The following CACNB2 variants were observed in gnomAD, a reference collection of about 807,000 sequenced individuals.
CACNB2 encodes the protein voltage-dependent L-type calcium channel subunit beta-2.
In CACNB2, 42 loss-of-function variants were observed where a neutral mutation model predicts 73.3. The observed-to-expected ratio is 0.57, with a 90% CI of 0.45 to 0.74. The LOEUF (loss-of-function observed/expected upper bound fraction) is 0.74, where lower values mean the gene tolerates loss of function less well. Among genes scored for constraint, CACNB2 ranks in the 30% least tolerant of loss-of-function variants. CACNB2 has a pLI of 0.00. For missense variants in CACNB2, 940 were observed against 853.0 expected, an observed-to-expected ratio of 1.10 and a Z score of -1.27; for synonymous variants, 348 against 310.3, an observed-to-expected ratio of 1.12 and a Z score of -1.28.
chr10:18,228,542 G>A (rs1461397232), intron 2 of CACNB2, among the ~76,000 whole-genome samples: 1 of 151,580 alleles, frequency 6.6e-6, no homozygotes, highest in East Asian at 1.9e-4. Flanking sequence ...AAAGAATAGT[G>A]AAGGATGTAT....
rs2031492352 is a variant in CACNB2, at chr10:18,150,880, T to TTTTTTTTTTTTTTTG, written c.121-3_121-2insTTTTTTTTTTTTTTG. ...CTTTTTTTTTTTTTTTTTTTTTTTT[T>TTTTTTTTTTTTTTTG]AGTCATATGGAAAAGGAGCCAGAAG... On this transcript the variant is annotated splice_polypyrimidine_tract_variant and splice_region_variant and intron_variant, in intron 1 of 13. Coordinates refer to ENST00000324631, the MANE Select transcript of CACNB2 (RefSeq NM_201596.3). The TTTTTTTTTTTTTTTG allele has an allele frequency of 3.8e-6, 5 of 1,300,416 alleles. No individual in the cohort carries two copies. Among genetic ancestry groups the TTTTTTTTTTTTTTTG allele is most frequent in the Non-Finnish European group, 5.3e-6 (5 of 943,370 alleles). 80.6% of individuals were successfully genotyped at this position (1,300,416 alleles called of 1,614,324 possible). A position where few individuals can be genotyped will look rare whatever the true frequency, so the allele number is the denominator to read the frequency against.
At chr10:18,164,870 C>A (rs75184175) in intron 2 of CACNB2, among the ~76,000 whole-genome samples, 1,771 of 152,244 alleles carry the variant, frequency 0.012, 43 homozygotes, top group African/African-American at 0.041. Flanking sequence ...CACGGACTTC[C>A]TGACTCTGCT....
intron 2 of CACNB2, among the ~76,000 whole-genome samples, chr10:18,230,097 C>T (rs965371400): frequency 6.6e-5 from 10 of 152,152 alleles, no homozygotes; most frequent in Non-Finnish European, 1.3e-4. Context: ...ATCATCTGTA[C>T]CTAACATAGG....
chr10:18,178,581 T>C (rs1472737040), intron 2 of CACNB2, among the ~76,000 whole-genome samples: 1 of 152,142 alleles, frequency 6.6e-6, no homozygotes, highest in Non-Finnish European at 1.5e-5. Context: ...ACAAAGATAG[T>C]GATTTGGGAG....
At chr10:18,302,767 T>C (rs1355563064) in intron 2 of CACNB2, among the ~76,000 whole-genome samples, 1 of 152,114 alleles carries the variant, frequency 6.6e-6, no homozygotes, top group Non-Finnish European at 1.5e-5. Context: ...ACTGCTCAGG[T>C]GATGCGTGCA....
chr10:18,434,859 TGTAA>T (rs1382022443), intron 3 of CACNB2, among the ~76,000 whole-genome samples: 1 of 152,208 alleles, frequency 6.6e-6, no homozygotes, highest in Admixed American at 6.5e-5. Context: ...TCACAGGTCG[TGTAA>T]GTATTTGAAA....
chr10:18,438,795 A>G (rs1208412633), intron 3 of CACNB2, among the ~76,000 whole-genome samples: 1 of 152,214 alleles, frequency 6.6e-6, no homozygotes, highest in East Asian at 1.9e-4. Flanking sequence ...CTTCCTCTTT[A>G]GATTTTTTCT....
chr10:18,399,257 G>A (rs546733448), intron 2 of CACNB2, among the ~76,000 whole-genome samples: 1 of 152,250 alleles, frequency 6.6e-6, no homozygotes, highest in African/African-American at 2.4e-5. Flanking sequence ...AGCCCTCTAG[G>A]AAGATCAGGA....
At chr10:18,149,555 C>T (rs1371372837) in intron 1 of CACNB2, among the ~76,000 whole-genome samples, 1 of 152,154 alleles carries the variant, frequency 6.6e-6, no homozygotes, top group Non-Finnish European at 1.5e-5. Context: ...ATAGCAAATT[C>T]GTCTAAATTA....
rs1297756113 is a variant in CACNB2 at position 18,543,302 on chromosome 10, A to C, written c.*3578A>C. 2.0e-5 allele frequency: 3 copies of C among 152,188 alleles called. No homozygotes were observed. The highest frequency in any genetic ancestry group is 4.4e-5 in the Non-Finnish European group (3 of 68,010). 9.4% of individuals were successfully genotyped at this position (152,188 alleles called of 1,614,324 possible). ...TCTTCCTATTATGTCTGATTAAAAA[A>C]AAAGATACCTCCACGTAGATAAAAT... On this transcript the variant is annotated 3_prime_UTR_variant, in exon 14 of 14. Coordinates refer to ENST00000324631, the MANE Select transcript of CACNB2 (RefSeq NM_201596.3).
chr10:18,202,239 T>A (rs2131315215), intron 2 of CACNB2, among the ~76,000 whole-genome samples: 1 of 152,340 alleles, frequency 6.6e-6, no homozygotes, highest in Middle Eastern at 3.4e-3. Flanking sequence ...TTGCTGGAGA[T>A]AACCCTATTG....
chr10:18,420,473 C>T (rs1340965149), intron 3 of CACNB2, among the ~76,000 whole-genome samples: 2 of 152,060 alleles, frequency 1.3e-5, no homozygotes, highest in Non-Finnish European at 2.9e-5. Flanking sequence ...ATTCCAGCTC[C>T]AAGAGCAGAG....
At chr10:18,452,348 A>G (rs1038745169) in intron 3 of CACNB2, among the ~76,000 whole-genome samples, 22 of 152,166 alleles carry the variant, frequency 1.4e-4, no homozygotes, top group African/African-American at 5.3e-4. Flanking sequence ...GGATTGCTTA[A>G]GCCCAGGAGG....
chr10:18,429,498 ATTG>A, intron 3 of CACNB2, among the ~76,000 whole-genome samples: 1 of 152,190 alleles, frequency 6.6e-6, no homozygotes, highest in Non-Finnish European at 1.5e-5. Flanking sequence ...GTCATCCAGC[ATTG>A]TTAGGTATTC....
intron 2 of CACNB2, among the ~76,000 whole-genome samples, chr10:18,285,071 C>T (rs1419683546): frequency 6.6e-6 from 1 of 152,120 alleles, no homozygotes; most frequent in South Asian, 2.1e-4. Flanking sequence ...TCATCAAATT[C>T]AGGTTATGCA....
intron 2 of CACNB2, 196 bp downstream of exon 2, chr10:18,151,171 T>C (rs1229098610): frequency 2.3e-5 from 12 of 521,628 alleles, no homozygotes; most frequent in Non-Finnish European, 1.7e-5. Flanking sequence ...TTACACTCTT[T>C]CCTGGCAAGT....
At chr10:18,175,818 A>C (rs561658903) in intron 2 of CACNB2, among the ~76,000 whole-genome samples, 11 of 152,272 alleles carry the variant, frequency 7.2e-5, no homozygotes, top group African/African-American at 2.6e-4. Context: ...GGCTGGTCTC[A>C]AACTCCTGAC....
chr10:18,396,130 T>C (rs1484481752), intron 2 of CACNB2, among the ~76,000 whole-genome samples: 1 of 151,894 alleles, frequency 6.6e-6, no homozygotes, highest in Non-Finnish European at 1.5e-5. Flanking sequence ...CTAATTTTTG[T>C]ATTTTTAGTA....
chr10:18,432,324 C>T (rs2045926601), intron 3 of CACNB2, among the ~76,000 whole-genome samples: 2 of 152,066 alleles, frequency 1.3e-5, no homozygotes, highest in African/African-American at 4.8e-5. Flanking sequence ...GATAATCCTT[C>T]CCTCCTGCCC....
Sources: allele counts gnomAD v4.1 joint callset (sites outside exome capture counted in the v4.1 genomes callset), GRCh38; gene constraint gnomAD v4.1.1; transcripts MANE v1.5; gene names NCBI Gene and HGNC (gene_info 2026-07-23, HGNC 2026-07-21).